The following CACNB2 variants were observed in gnomAD, a reference collection of about 807,000 sequenced individuals.
The protein encoded by CACNB2 is voltage-dependent L-type calcium channel subunit beta-2.
CACNB2 carries 42 observed loss-of-function variants against 73.3 expected under a neutral mutation model. The ratio of observed to expected loss-of-function variants is 0.57; its 90% confidence interval spans 0.45 to 0.74. The LOEUF (loss-of-function observed/expected upper bound fraction) is 0.74, where lower values mean the gene tolerates loss of function less well. Among genes scored for constraint, CACNB2 ranks in the 30% least tolerant of loss-of-function variants. CACNB2 has a pLI of 0.00. For missense variants in CACNB2, 940 were observed against 853.0 expected (o/e 1.10, Z -1.27); for synonymous variants, 348 against 310.3 (o/e 1.12, Z -1.28).
intron 2 of CACNB2, among the ~76,000 whole-genome samples, chr10:18,240,862 T>G (rs766409048): frequency 4.6e-5 from 7 of 152,108 alleles, no homozygotes; most frequent in Non-Finnish European, 7.4e-5. Flanking sequence ...GTCAGTGGCC[T>G]CCACTCTGCC....
At chr10:18,496,140 C>A (rs1239254247) in intron 3 of CACNB2, among the ~76,000 whole-genome samples, 1 of 141,394 alleles carries the variant, frequency 7.1e-6, no homozygotes, top group South Asian at 2.3e-4. Context: ...GAGCTGGGAT[C>A]GTGCCACTGC....
chr10:18,483,569 C>T (rs1419173609), intron 3 of CACNB2, among the ~76,000 whole-genome samples: 1 of 148,744 alleles, frequency 6.7e-6, no homozygotes, highest in African/African-American at 2.5e-5. Context: ...GAAACCAAAA[C>T]ATGAGTATAA....
chr10:18,307,344 C>T (rs1186789148), intron 2 of CACNB2, among the ~76,000 whole-genome samples: 1 of 152,084 alleles, frequency 6.6e-6, no homozygotes, highest in Admixed American at 6.5e-5. Context: ...CGCCTGTAGT[C>T]CCAGCTACTC....
chr10:18,220,241 A>G (rs1413939634), intron 2 of CACNB2, among the ~76,000 whole-genome samples: 2,346 of 81,780 alleles, frequency 0.029, 199 homozygotes, highest in East Asian at 0.13. Flanking sequence ...ATAGAGAGAG[A>G]GAGAGAGAGA....
At chr10:18,375,561 A>G (rs2042763246) in intron 2 of CACNB2, among the ~76,000 whole-genome samples, 1 of 152,220 alleles carries the variant, frequency 6.6e-6, no homozygotes, top group Admixed American at 6.5e-5. Context: ...ACCGGGAAAT[A>G]GAAGGCAATA....
rs553390923 is a variant in CACNB2, at chr10:18,396,556, C to T, written c.214-5368C>T. Among the ~76,000 whole-genome samples, 8 of 151,646 alleles carry T rather than the reference C, an allele frequency of 5.3e-5. No individual in the cohort carries two copies. The East Asian group carries it at 1.6e-3, about 30-fold the overall frequency. ...CACAGTCTCAGCTCACTGCAACCTC[C>T]ACCTCCAGGGTTCAAGCGATTCTCC... On this transcript the variant is annotated intron_variant, in intron 2 of 13. Coordinates refer to ENST00000324631, the MANE Select transcript of CACNB2 (RefSeq NM_201596.3).
intron 2 of CACNB2, among the ~76,000 whole-genome samples, chr10:18,398,869 A>AT (rs1201134290): frequency 1.3e-5 from 2 of 152,138 alleles, no homozygotes; most frequent in Non-Finnish European, 2.9e-5. Flanking sequence ...CATTGAAGAG[A>AT]TTTTTGTTTT....
Position 18,538,361 on chromosome 10 carries a change from C to G in CACNB2, c.1484C>G (p.Ser495Ter). 6.2e-7 allele frequency: 1 copy of G among 1,607,954 alleles called. No individual in the cohort carries two copies. Among genetic ancestry groups the G allele is most frequent in the Non-Finnish European group, 8.5e-7 (1 of 1,174,138 alleles). The change falls in exon 13 of 14, where the codon TCA (serine) becomes TGA (stop). Residue 495 changes from serine (S) to a stop codon, truncating the protein, a stop_gained. Transcript: ENST00000324631. LOFTEE classifies it high-confidence loss of function. ...CTTAGCCCCACCCTAGCCTCTAATT[C>G]ACAGGTAAGGGGAGTTTTTATATAT... The part of the protein sequence containing the change: ...LPLSPTLASN[S>*]QGSQGDQRTD...
At chr10:18,521,541 A>C (rs1005515198) in intron 9 of CACNB2, among the ~76,000 whole-genome samples, 1 of 152,168 alleles carries the variant, frequency 6.6e-6, no homozygotes, top group Non-Finnish European at 1.5e-5. Flanking sequence ...TCACTATTCA[A>C]CTTGCCTCAG....
intron 2 of CACNB2, chr10:18,401,183 G>A (rs554006918): frequency 8.4e-6 from 13 of 1,544,564 alleles, no homozygotes; most frequent in African/African-American, 1.4e-5. Flanking sequence ...GGTAGAGAGG[G>A]TGGTTTGATT....
At chr10:18,259,730 C>CAAAAAAAAA in intron 2 of CACNB2, among the ~76,000 whole-genome samples, 1 of 112,554 alleles carries the variant, frequency 8.9e-6, no homozygotes, top group Non-Finnish European at 1.8e-5. Context: ...GACTCTGTCT[C>CAAAAAAAAA]AGAAAAAAAA....
At position 18,307,983 on chromosome 10, in the gene CACNB2, C is replaced by CATTTTTTTTTTTTTTTTTTTTTTTTT. The variant is rs1356604464; in HGVS notation, c.214-93941_214-93940insATTTTTTTTTTTTTTTTTTTTTTTTT. ...TTAAGTCTAAAATAATATATGCCAACTTTTTTTTTTTTTTTTTTTTTTTTT... is the reference window on the plus strand; with the variant it reads ...TTAAGTCTAAAATAATATATGCCAACATTTTTTTTTTTTTTTTTTTTTTTTTTTTTTTTTTTTTTTTTTTTTTTTTT... On this transcript the variant is annotated intron_variant, in intron 2 of 13. Transcript: ENST00000324631. 8.5e-5 allele frequency among the ~76,000 whole-genome samples: 6 copies of CATTTTTTTTTTTTTTTTTTTTTTTTT among 70,246 alleles called. 1 individual carries two copies. Among genetic ancestry groups the CATTTTTTTTTTTTTTTTTTTTTTTTT allele is most frequent in the African/African-American group, 3.6e-4 (6 of 16,764 alleles). The allele number at this position is 70,246 out of a possible 152,430, so 46.1% of individuals were successfully genotyped here.
intron 9 of CACNB2, among the ~76,000 whole-genome samples, chr10:18,521,133 A>G (rs1345716233): frequency 6.6e-6 from 1 of 152,230 alleles, no homozygotes; most frequent in Non-Finnish European, 1.5e-5. Context: ...GTCTCTGCCT[A>G]TGAACAGCTC....
Position 18,188,132 on chromosome 10 carries a change from C to A in CACNB2, c.213+37157C>A, listed in dbSNP as rs573253745. ...TATTATTTTAAATCTTTTAAAATAG[C>A]TCTTTCAGAGCTTCAGAATTTTTAG... On this transcript the variant is annotated intron_variant, in intron 2 of 13. Transcript: ENST00000324631. 5.3e-5 allele frequency among the ~76,000 whole-genome samples: 8 copies of A among 152,250 alleles called. No homozygotes were observed. In the East Asian group the frequency reaches 1.5e-3, roughly 29 times the overall value.
At chr10:18,182,324 CA>C (rs898233502) in intron 2 of CACNB2, among the ~76,000 whole-genome samples, 8 of 149,958 alleles carry the variant, frequency 5.3e-5, no homozygotes, top group Non-Finnish European at 8.9e-5. Context: ...GACTCCACCT[CA>C]AAAAAAAATT....
chr10:18,140,645 C>A lies in CACNB2; in HGVS notation c.-92C>A. On this transcript the variant is annotated 5_prime_UTR_variant, in exon 1 of 14. Coordinates refer to ENST00000324631, the MANE Select transcript of CACNB2 (RefSeq NM_201596.3). Reference sequence around the variant, plus strand: ...CCGGGCCTGAGCCCTGGGCGGCCCCCAGAGCCGATCAGAGCGCGGGGAGGC... The same window carrying A: ...CCGGGCCTGAGCCCTGGGCGGCCCCAAGAGCCGATCAGAGCGCGGGGAGGC... The A allele has an allele frequency of 8.4e-7, 1 of 1,183,536 alleles. No individual in the cohort carries two copies. The highest frequency in any genetic ancestry group is 1.2e-6 in the Non-Finnish European group (1 of 821,178). 73.3% of individuals were successfully genotyped at this position (1,183,536 alleles called of 1,614,324 possible). A position where few individuals can be genotyped will look rare whatever the true frequency, so the allele number is the denominator to read the frequency against.
chr10:18,523,210 A>G (rs1427264403), intron 9 of CACNB2, among the ~76,000 whole-genome samples: 3 of 149,258 alleles, frequency 2.0e-5, no homozygotes, highest in Non-Finnish European at 4.5e-5. Flanking sequence ...GGAATTGTCA[A>G]CATGAGCCTG....
At chr10:18,407,533 T>C (rs1319606937) in intron 3 of CACNB2, among the ~76,000 whole-genome samples, 2 of 152,162 alleles carry the variant, frequency 1.3e-5, no homozygotes, top group Non-Finnish European at 2.9e-5. Flanking sequence ...GGTGTGCACC[T>C]TTTTGTTTAT....
intron 3 of CACNB2, among the ~76,000 whole-genome samples, chr10:18,455,375 G>A (rs1166346019): frequency 1.3e-5 from 2 of 152,182 alleles, no homozygotes; most frequent in Admixed American, 1.3e-4. Context: ...AGAGTTACTT[G>A]GAAGAACTGA....
Sources: gnomAD v4.1 joint callset for allele counts (sites outside exome capture counted in the v4.1 genomes callset) on GRCh38, gnomAD v4.1.1 for gene constraint, MANE v1.5 for transcripts, NCBI Gene and HGNC (gene_info 2026-07-23, HGNC 2026-07-21) for gene names.